TSHZ2: variants seen among roughly 807,000 people sequenced by gnomAD.
TSHZ2 encodes teashirt homolog 2.
TSHZ2 carries 21 observed loss-of-function variants against 74.4 expected under a neutral mutation model. The observed-to-expected ratio is 0.28, with a 90% CI of 0.20 to 0.41. TSHZ2 has a LOEUF of 0.41. Among genes scored for constraint, TSHZ2 ranks in the 10% least tolerant of loss-of-function variants. The pLI is 1.00. For synonymous variants in TSHZ2, 540 were observed against 515.3 expected (o/e 1.05, Z -0.65); for missense variants, 1,244 against 1,293.5 (o/e 0.96, Z 0.59).
At chr20:53,331,639 C>T (rs1438823191) in intron 2 of TSHZ2, among the ~76,000 whole-genome samples, 1 of 152,134 alleles carries the variant, frequency 6.6e-6, no homozygotes, top group Non-Finnish European at 1.5e-5. Context: ...CATGGCTCAA[C>T]GGAAGTCAGT....
chr20:53,269,283 G>A (rs1230513676), intron 2 of TSHZ2, among the ~76,000 whole-genome samples: 1 of 151,636 alleles, frequency 6.6e-6, no homozygotes, highest in Non-Finnish European at 1.5e-5. Context: ...GATGTGAAAT[G>A]GATGGTGCCA....
chr20:53,482,749 C>T (rs1986188248), intron 2 of TSHZ2, among the ~76,000 whole-genome samples: 1 of 151,710 alleles, frequency 6.6e-6, no homozygotes, highest in South Asian at 2.1e-4. Flanking sequence ...ACAAAAAATA[C>T]AAAAAAATTA....
intron 1 of TSHZ2, among the ~76,000 whole-genome samples, chr20:52,980,519 G>A (rs774714166): frequency 1.8e-4 from 28 of 152,088 alleles, no homozygotes; most frequent in Admixed American, 5.2e-4. Context: ...CAGAACTGAA[G>A]GAATACTCTA....
At chr20:53,392,664 C>T (rs17443093) in intron 2 of TSHZ2, among the ~76,000 whole-genome samples, 24,620 of 152,054 alleles carry the variant, frequency 0.16, 2,610 homozygotes, top group Non-Finnish European at 0.25. Flanking sequence ...TTAATTCCAA[C>T]ATGGATTCTT....
intron 2 of TSHZ2, among the ~76,000 whole-genome samples, chr20:53,421,973 AC>A (rs1327006178): frequency 1.3e-5 from 2 of 151,600 alleles, no homozygotes; most frequent in Non-Finnish European, 1.5e-5. Flanking sequence ...GAGCCACCGC[AC>A]CCGGCCTATC....
At chr20:53,337,072 G>A (rs1568874047) in intron 2 of TSHZ2, among the ~76,000 whole-genome samples, 1 of 152,144 alleles carries the variant, frequency 6.6e-6, no homozygotes, top group Non-Finnish European at 1.5e-5. Flanking sequence ...GTGCAGCATG[G>A]CTGGGCAAGG....
chr20:53,384,502 T>C (rs1040885360), intron 2 of TSHZ2, among the ~76,000 whole-genome samples: 20 of 152,236 alleles, frequency 1.3e-4, no homozygotes, highest in Non-Finnish European at 1.0e-4. Context: ...TGACGAGCTG[T>C]GTCTGTGACT....
chr20:53,284,677 T>G (rs550888212), intron 2 of TSHZ2, among the ~76,000 whole-genome samples: 37 of 152,060 alleles, frequency 2.4e-4, no homozygotes, highest in Non-Finnish European at 5.0e-4. Flanking sequence ...TACTTTTAAT[T>G]AGCAAATCTT....
intron 2 of TSHZ2, among the ~76,000 whole-genome samples, chr20:53,483,220 G>GAGCCCAGGAGTTCAAGACCA (rs6147377): frequency 0.2 from 30,209 of 151,716 alleles, 3,190 homozygotes; most frequent in East Asian, 0.3. Flanking sequence ...AGAATGGCTT[G>GAGCCCAGGAGTTCAAGACCA]GCCTGGGCAA....
intron 1 of TSHZ2, among the ~76,000 whole-genome samples, chr20:53,230,482 G>A (rs1418195637): frequency 6.6e-6 from 1 of 152,126 alleles, no homozygotes; most frequent in African/African-American, 2.4e-5. Context: ...CCTCTTCTTT[G>A]TGGCACAGAG....
chr20:53,265,441 AG>A (rs1990693623), intron 2 of TSHZ2, among the ~76,000 whole-genome samples: 1 of 152,088 alleles, frequency 6.6e-6, no homozygotes, highest in Non-Finnish European at 1.5e-5. Flanking sequence ...GAAGGAGGAA[AG>A]GAGGTCTGTT....
chr20:53,207,513 T>C (rs992568778), intron 1 of TSHZ2, among the ~76,000 whole-genome samples: 3 of 152,122 alleles, frequency 2.0e-5, no homozygotes, highest in Admixed American at 2.0e-4. Flanking sequence ...GCCCCTACCC[T>C]GGCTCTCACT....
At chr20:53,227,684 T>C (rs1989716814) in intron 1 of TSHZ2, among the ~76,000 whole-genome samples, 1 of 152,218 alleles carries the variant, frequency 6.6e-6, no homozygotes, top group Admixed American at 6.5e-5. Context: ...CCCTACAGCA[T>C]TGCAATCTAC....
At chr20:53,062,063 G>A (rs1984839403) in intron 1 of TSHZ2, among the ~76,000 whole-genome samples, 1 of 152,150 alleles carries the variant, frequency 6.6e-6, no homozygotes, top group African/African-American at 2.4e-5. Flanking sequence ...AAATCTCTAT[G>A]AAGAGATGTG....
chr20:53,020,830 T>G (rs1983215946), intron 1 of TSHZ2, among the ~76,000 whole-genome samples: 3 of 152,194 alleles, frequency 2.0e-5, no homozygotes, highest in Admixed American at 2.0e-4. Flanking sequence ...GAGAGAAATC[T>G]CCACAGTCTT....
chr20:53,066,405 C>T (rs1984989977), intron 1 of TSHZ2, among the ~76,000 whole-genome samples: 1 of 152,080 alleles, frequency 6.6e-6, no homozygotes, highest in African/African-American at 2.4e-5. Flanking sequence ...TCTCAATACC[C>T]AGGAAGCCTT....
At chr20:53,218,362 C>T (rs1204929648) in intron 1 of TSHZ2, among the ~76,000 whole-genome samples, 3 of 152,250 alleles carry the variant, frequency 2.0e-5, no homozygotes, top group Non-Finnish European at 4.4e-5. Context: ...ACAGTTGGCA[C>T]AGGGGCAAAT....
At chr20:53,242,232 G>C (rs944989755) in intron 1 of TSHZ2, among the ~76,000 whole-genome samples, 5 of 152,100 alleles carry the variant, frequency 3.3e-5, no homozygotes, top group Non-Finnish European at 1.5e-5. Flanking sequence ...CTACCTGCCA[G>C]ATACCAGCAA....
intron 1 of TSHZ2, among the ~76,000 whole-genome samples, chr20:53,047,679 A>C (rs1984274898): frequency 6.6e-6 from 1 of 152,198 alleles, no homozygotes; most frequent in Admixed American, 6.5e-5. Flanking sequence ...GACTTAAGAA[A>C]AACACTATGA....
Sources: allele counts gnomAD v4.1 joint callset (sites outside exome capture counted in the v4.1 genomes callset), GRCh38; gene constraint gnomAD v4.1.1; transcripts MANE v1.5; gene names NCBI Gene and HGNC (gene_info 2026-07-23, HGNC 2026-07-21).